Variants in NOXA1 observed in about 807,000 individuals in gnomAD.
NOXA1 encodes the protein NADPH oxidase activator 1.
Under a neutral mutation model 64.8 loss-of-function variants are expected in NOXA1, and 56 were observed. The ratio of observed to expected loss-of-function variants is 0.86; its 90% confidence interval spans 0.70 to 1.08. The LOEUF (loss-of-function observed/expected upper bound fraction) is 1.08, where lower values mean the gene tolerates loss of function less well. Ranked by LOEUF, NOXA1 falls within the 50% of genes least tolerant of loss-of-function variation. The pLI, the probability that NOXA1 is intolerant of heterozygous loss-of-function variation, is 0.00. For missense variants in NOXA1, 668 were observed against 658.5 expected (o/e 1.01, Z -0.16); for synonymous variants, 295 against 294.8 (o/e 1.00, Z -0.01).
In NOXA1 at chr9:137,423,463, C is replaced by CACCG; in HGVS notation, c.-67_-66insACCG. 1 of 1,098,750 alleles carries CACCG rather than the reference C, an allele frequency of 9.1e-7. No individual in the cohort carries two copies. Among genetic ancestry groups the CACCG allele is most frequent in the Middle Eastern group, 3.5e-4 (1 of 2,848 alleles). The allele number at this position is 1,098,750 out of a possible 1,614,324, so 68.1% of individuals were successfully genotyped here. On this transcript the variant is annotated 5_prime_UTR_variant, in exon 1 of 14. Transcript: ENST00000683555. ...CGGAGACCCCGCAGCCCCGCGCCGC[C>CACCG]GCCTGGCCCCGGCCCCGGCCCCTCC...
intron 8 of NOXA1, among the ~76,000 whole-genome samples, chr9:137,432,449 G>A (rs147904213): frequency 0.011 from 1,608 of 152,204 alleles, 17 homozygotes; most frequent in African/African-American, 0.027. Context: ...GCATGGCGGC[G>A]GGCACCTGTA....
At position 137,433,217 on chromosome 9, in the gene NOXA1, T is replaced by TG. The variant is rs773184989; in HGVS notation, c.870dup (p.Pro291AlafsTer7). The TG allele has an allele frequency of 3.3e-4, 526 of 1,605,632 alleles. No individual in the cohort carries two copies. Among genetic ancestry groups the TG allele is most frequent in the Non-Finnish European group, 3.7e-4 (436 of 1,176,782 alleles). ...CTCTGTCCTACAGGGCTGCCGGCAATGGGGGGGCCTGGCCCCGGCCCCTGT... is the reference window on the plus strand; with the variant it reads ...CTCTGTCCTACAGGGCTGCCGGCAATGGGGGGGGCCTGGCCCCGGCCCCTGT... On this transcript the variant is annotated frameshift_variant, in exon 10 of 14. Transcript: ENST00000683555. LOFTEE classifies it high-confidence loss of function.
At chr9:137,426,220 G>A (rs1309557418) in intron 1 of NOXA1, 28 bp from the exon 2 acceptor site, 1 of 1,600,958 alleles carries the variant, frequency 6.2e-7, no homozygotes, top group Non-Finnish European at 8.6e-7. Flanking sequence ...TACAGACCTT[G>A]GCATCCCGTG....
intron 1 of NOXA1, among the ~76,000 whole-genome samples, chr9:137,424,216 G>C (rs1313565626): frequency 6.6e-6 from 1 of 152,194 alleles, no homozygotes; most frequent in Non-Finnish European, 1.5e-5. Context: ...CCCCCGCTCA[G>C]TCCCAAGCAC....
At chr9:137,430,655 G>A (rs1055384946) in intron 5 of NOXA1, 129 bp from the exon 6 acceptor site, 14 of 677,538 alleles carry the variant, frequency 2.1e-5, no homozygotes, top group Non-Finnish European at 1.7e-5. Flanking sequence ...GCAGACGTGG[G>A]CCGGGCATGG....
At position 137,423,458 on chromosome 9, in the gene NOXA1, G is replaced by T. The variant is rs1048631286; in HGVS notation, c.-72G>T. 6.1e-5 allele frequency: 65 copies of T among 1,063,866 alleles called. No individual in the cohort carries two copies. The highest frequency in any genetic ancestry group is 7.2e-5 in the Non-Finnish European group (61 of 847,180). The allele number at this position is 1,063,866 out of a possible 1,614,324, so 65.9% of individuals were successfully genotyped here. On this transcript the variant is annotated 5_prime_UTR_variant, in exon 1 of 14. Transcript: ENST00000683555. ...CGCCTCGGAGACCCCGCAGCCCCGC[G>T]CCGCCGCCTGGCCCCGGCCCCGGCC...
chr9:137,433,435 C>T lies in NOXA1; in HGVS notation c.910-18C>T, dbSNP rs372799801. On this transcript the variant is annotated intron_variant, in intron 10 of 13. Transcript: ENST00000683555. ...CTGGGCCTCAGCGACCACCCCTCCC[C>T]CTCCTGCCTGGACCCAGGGAGCAGG... The T allele has an allele frequency of 1.1e-5, 18 of 1,587,532 alleles. No individual in the cohort carries two copies. Among genetic ancestry groups the T allele is most frequent in the African/African-American group, 2.7e-5 (2 of 74,580 alleles).
chr9:137,433,325 C>T, intron 10 of NOXA1, 62 bp downstream of exon 10: 11 of 1,498,788 alleles, frequency 7.3e-6, no homozygotes, highest in Middle Eastern at 2.0e-4. Flanking sequence ...CAAGCCCCAT[C>T]CCTCAGAATC....
intron 2 of NOXA1, among the ~76,000 whole-genome samples, chr9:137,427,667 G>C (rs1290577593): frequency 6.6e-6 from 1 of 152,228 alleles, no homozygotes; most frequent in Non-Finnish European, 1.5e-5. Context: ...TTGGAAGGAG[G>C]CTCAGAGTTT....
chr9:137,434,375 T>C lies in NOXA1; in HGVS notation c.*15T>C. 6.4e-7 allele frequency: 1 copy of C among 1,556,360 alleles called. No homozygotes were observed. The highest frequency in any genetic ancestry group is 8.7e-7 in the Non-Finnish European group (1 of 1,150,300). ...ATCAGCCCTAATGATGCTGTGTCCA[T>C]GATGCTTTTAATAAAAACAACCCCC... On this transcript the variant is annotated 3_prime_UTR_variant, in exon 14 of 14. Coordinates refer to ENST00000683555, the MANE Select transcript of NOXA1 (RefSeq NM_001256067.2).
chr9:137,424,546 TCTC>T (rs1253946108), intron 1 of NOXA1, among the ~76,000 whole-genome samples: 12 of 152,118 alleles, frequency 7.9e-5, no homozygotes, highest in Non-Finnish European at 1.5e-4. Flanking sequence ...TTCAAGCAAT[TCTC>T]CTGCCTCAGC....
intron 13 of NOXA1, 67 bp from the exon 14 acceptor site, chr9:137,434,157 G>A: frequency 6.3e-7 from 1 of 1,581,534 alleles, no homozygotes; most frequent in Non-Finnish European, 8.6e-7. Flanking sequence ...CCTGTGCTGT[G>A]AGCAGACGTG....
At chr9:137,428,248 C>T in intron 3 of NOXA1, 107 bp downstream of exon 3, 1 of 781,660 alleles carries the variant, frequency 1.3e-6, no homozygotes, top group East Asian at 2.7e-5. Context: ...GGCCGAAGCT[C>T]TTGGTGCCAT....
In NOXA1 at chr9:137,431,395, C is replaced by A; in HGVS notation, c.804+54C>A. ...TGGGGGTCGGTGCTTCTGCTGCCTC[C>A]GCAGACTGGGGACCACAATGGGACC... On this transcript the variant is annotated intron_variant, in intron 8 of 13. Coordinates refer to ENST00000683555, the MANE Select transcript of NOXA1 (RefSeq NM_001256067.2). The surrounding 1 kb of genome is among the most constrained non-coding windows in gnomAD (Gnocchi z 5.6). 2 of 1,424,680 alleles carry A rather than the reference C, an allele frequency of 1.4e-6. No individual in the cohort carries two copies. The highest frequency in any genetic ancestry group is 2.0e-6 in the Non-Finnish European group (2 of 1,022,620). 88.3% of individuals were successfully genotyped at this position (1,424,680 alleles called of 1,614,324 possible).
intron 13 of NOXA1, 39 bp from the exon 14 acceptor site, chr9:137,434,185 C>A: frequency 6.3e-7 from 1 of 1,589,294 alleles, no homozygotes; most frequent in African/African-American, 1.3e-5. Flanking sequence ...GAGGCCACGC[C>A]TGGGTAACGC....
rs1312049956 is a variant in NOXA1 at position 137,433,981 on chromosome 9, C to G, written c.1196C>G (p.Pro399Arg). 6.4e-7 allele frequency: 1 copy of G among 1,551,922 alleles called. No individual in the cohort carries two copies. The highest frequency in any genetic ancestry group is 1.4e-5 in the African/African-American group (1 of 73,686). ...CTGCCTCAGGGAGCCGGGGGTCGGC[C>G]GGTCCTCTACCAGGTGGTGGCCCAG... is the stretch of plus-strand genomic sequence containing the variant. Reference protein sequence around the residue: ...QLQCRGAGGRPVLYQVVAQHS... With the variant: ...QLQCRGAGGRRVLYQVVAQHS... The change falls in exon 13 of 14, where the codon CCG becomes CGG. Residue 399 changes from proline (P) to arginine (R), a missense_variant. Physicochemically the swap from Pro to Arg is moderately radical, Grantham distance 103 (BLOSUM62 -2). Coordinates refer to ENST00000683555, the MANE Select transcript of NOXA1 (RefSeq NM_001256067.2).
chr9:137,433,421 C>T (rs1298826181), intron 10 of NOXA1, 32 bp from the exon 11 acceptor site: 8 of 1,573,380 alleles, frequency 5.1e-6, no homozygotes, highest in Middle Eastern at 2.3e-4. Context: ...TGGGCCTCAG[C>T]GACCACCCCT....
At chr9:137,430,731 A>G in intron 5 of NOXA1, 53 bp from the exon 6 acceptor site, 1 of 1,506,088 alleles carries the variant, frequency 6.6e-7, no homozygotes, top group Non-Finnish European at 8.9e-7. Flanking sequence ...TGCAGGGAGC[A>G]GACCCTGCTG....
At chr9:137,432,279 CAA>C (rs35916187) in intron 8 of NOXA1, among the ~76,000 whole-genome samples, 27 of 102,224 alleles carry the variant, frequency 2.6e-4, no homozygotes, top group Middle Eastern at 5.3e-3. Context: ...GACCCTGTCT[CAA>C]AAAAAAAAAA....
Sources: allele counts gnomAD v4.1 joint callset (sites outside exome capture counted in the v4.1 genomes callset), GRCh38; gene constraint gnomAD v4.1.1; non-coding constraint Gnocchi (gnomAD v3.1); transcripts MANE v1.5; gene names NCBI Gene and HGNC (gene_info 2026-07-23, HGNC 2026-07-21).